The following PIWIL3 variants were observed in gnomAD, a reference collection of about 807,000 sequenced individuals.
PIWIL3 encodes piwi-like protein 3.
Under a neutral mutation model 109.7 loss-of-function variants are expected in PIWIL3, and 101 were observed. The observed-to-expected ratio is 0.92, with a 90% CI of 0.78 to 1.09. The LOEUF (loss-of-function observed/expected upper bound fraction) is 1.09, where lower values mean the gene tolerates loss of function less well. Among genes scored for constraint, PIWIL3 ranks in the 50% least tolerant of loss-of-function variants. The probability of loss-of-function intolerance (pLI) is 0.00; values close to 1 mark genes in which losing one functional copy is unlikely to be tolerated. For synonymous variants in PIWIL3, 373 were observed against 376.4 expected (o/e 0.99, Z 0.10); for missense variants, 1,031 against 1,072.6 (o/e 0.96, Z 0.54).
chr22:24,773,573 G>A (rs1468346551), intron 1 of PIWIL3, among the ~76,000 whole-genome samples: 1 of 152,104 alleles, frequency 6.6e-6, no homozygotes, highest in Non-Finnish European at 1.5e-5. Flanking sequence ...CATATTGATA[G>A]AAATTCCGCG....
intron 18 of PIWIL3, among the ~76,000 whole-genome samples, chr22:24,724,353 C>G (rs1320755584): frequency 6.6e-6 from 1 of 151,952 alleles, no homozygotes; most frequent in East Asian, 1.9e-4. Context: ...TGCAGTGCTC[C>G]TAGGCTCAAG....
At chr22:24,763,989 C>A (rs951513213) in intron 1 of PIWIL3, among the ~76,000 whole-genome samples, 2 of 152,350 alleles carry the variant, frequency 1.3e-5, no homozygotes, top group Middle Eastern at 3.4e-3. Context: ...AGGCGCAAAG[C>A]CCCTTTTCCA....
rs376600879 is a variant in PIWIL3 at position 24,748,953 on chromosome 22, G to C, written c.1403C>G (p.Pro468Arg). The change falls in exon 12 of 21, where the codon CCG becomes CGG. Residue 468 changes from proline to arginine, a missense_variant. Pro to Arg is a moderately radical substitution (Grantham distance 103). Transcript: ENST00000616349. ...GTTTGCGTTTTTCAAAACTCTTCCC[G>C]GGACGGACAAAAAATTGGTATCAAA... The part of the protein sequence containing the change: ...LKFDTNFLSV[P>R]GRVLKNANIV... 1 of 1,613,270 alleles carries C rather than the reference G, an allele frequency of 6.2e-7. No homozygotes were observed. Among genetic ancestry groups the C allele is most frequent in the Non-Finnish European group, 8.5e-7 (1 of 1,179,770 alleles).
chr22:24,719,910 C>T lies in PIWIL3; in HGVS notation c.2358-15G>A. On this transcript the variant is annotated splice_polypyrimidine_tract_variant and intron_variant, in intron 19 of 20. Coordinates refer to ENST00000616349, the MANE Select transcript of PIWIL3 (RefSeq NM_001255975.1). The stretch of plus-strand genomic sequence containing the variant: ...AAAAGTCATACCTGGAAATATAGGA[C>T]ATGTGGGTATCAGCTCATTTTAGAA... 1.3e-6 allele frequency: 2 copies of T among 1,597,256 alleles called. No individual in the cohort carries two copies. The highest frequency in any genetic ancestry group is 2.2e-5 in the South Asian group (2 of 89,460).
chr22:24,769,280 C>T (rs1000432920), intron 1 of PIWIL3, among the ~76,000 whole-genome samples: 4 of 152,080 alleles, frequency 2.6e-5, no homozygotes, highest in African/African-American at 4.8e-5. Flanking sequence ...TTGACTTCCC[C>T]GGGCCACATT....
chr22:24,732,439 A>C (rs1208842229), intron 14 of PIWIL3, among the ~76,000 whole-genome samples: 2 of 152,240 alleles, frequency 1.3e-5, no homozygotes, highest in African/African-American at 2.4e-5. Flanking sequence ...CAAAAGGCAA[A>C]TCTAGGATGA....
At chr22:24,742,968 A>G (rs1033343258) in intron 12 of PIWIL3, among the ~76,000 whole-genome samples, 2 of 152,230 alleles carry the variant, frequency 1.3e-5, no homozygotes, top group African/African-American at 4.8e-5. Flanking sequence ...ACAGAATGGG[A>G]GAAAATATTC....
chr22:24,745,720 A>G (rs76715593), intron 12 of PIWIL3, among the ~76,000 whole-genome samples: 5 of 53,984 alleles, frequency 9.3e-5, no homozygotes, highest in African/African-American at 1.1e-4. Context: ...AGACTAAGAA[A>G]AAAAAAAAAA....
At chr22:24,755,745 C>T (rs745843897) in intron 6 of PIWIL3, 39 bp downstream of exon 6, 55 of 1,611,406 alleles carry the variant, frequency 3.4e-5, no homozygotes, top group Non-Finnish European at 4.4e-5. Flanking sequence ...AGTAAAACAA[C>T]CGAATGAGTA....
chr22:24,754,671 T>C (rs569435768), intron 7 of PIWIL3, 113 bp downstream of exon 7: 19 of 818,692 alleles, frequency 2.3e-5, no homozygotes, highest in Non-Finnish European at 3.8e-5. Context: ...GTGGATACCA[T>C]TTAAAAGGCC....
At chr22:24,750,482 A>ATT (rs1241174453) in intron 9 of PIWIL3, among the ~76,000 whole-genome samples, 3,125 of 114,014 alleles carry the variant, frequency 0.027, 202 homozygotes, top group East Asian at 0.032. Context: ...ACCACATTTG[A>ATT]TTTTTTTTCT....
chr22:24,773,216 C>T (rs910037360), intron 1 of PIWIL3, among the ~76,000 whole-genome samples: 10 of 152,158 alleles, frequency 6.6e-5, no homozygotes, highest in African/African-American at 2.4e-4. Flanking sequence ...TGCTGTGATG[C>T]TCCATTCCAA....
chr22:24,731,804 A>T (rs1255191195), intron 14 of PIWIL3, among the ~76,000 whole-genome samples: 1 of 152,142 alleles, frequency 6.6e-6, no homozygotes, highest in Non-Finnish European at 1.5e-5. Context: ...GTAACTCGTT[A>T]CAGAAATAAA....
intron 12 of PIWIL3, among the ~76,000 whole-genome samples, chr22:24,744,818 T>G (rs1331238275): frequency 6.6e-6 from 1 of 152,206 alleles, no homozygotes; most frequent in African/African-American, 2.4e-5. Context: ...CATCCCACTT[T>G]CAGCACTGGA....
intron 12 of PIWIL3, among the ~76,000 whole-genome samples, chr22:24,737,035 G>T (rs1411504147): frequency 6.6e-6 from 1 of 152,204 alleles, no homozygotes; most frequent in Non-Finnish European, 1.5e-5. Context: ...AAGTCCTAAT[G>T]CTGATCTGAG....
At chr22:24,772,738 G>A (rs1222085224) in intron 1 of PIWIL3, among the ~76,000 whole-genome samples, 2 of 152,194 alleles carry the variant, frequency 1.3e-5, no homozygotes, top group Non-Finnish European at 2.9e-5. Context: ...GTGCACAGCA[G>A]CATCTAGTGG....
chr22:24,749,630 G>A, intron 10 of PIWIL3, 63 bp downstream of exon 10: 2 of 1,612,510 alleles, frequency 1.2e-6, no homozygotes, highest in Admixed American at 3.3e-5. Context: ...CGAATTCCCT[G>A]AAAAGCCTGC....
At chr22:24,753,888 AGTT>A (rs1360424484) in intron 8 of PIWIL3, 123 bp downstream of exon 8, 4 of 748,034 alleles carry the variant, frequency 5.3e-6, no homozygotes, top group African/African-American at 5.3e-5. Flanking sequence ...AGACGTGTTC[AGTT>A]GTTCTTGCAA....
chr22:24,760,780 CAAAAAAAAAAAAA>C (rs61469163), intron 2 of PIWIL3, among the ~76,000 whole-genome samples: 2 of 41,030 alleles, frequency 4.9e-5, no homozygotes, highest in Admixed American at 3.1e-4. Context: ...AACTCTGTCT[CAAAAAAAAAAAAA>C]AAAAAAAAAA....
Sources: allele counts gnomAD v4.1 joint callset (sites outside exome capture counted in the v4.1 genomes callset), GRCh38; gene constraint gnomAD v4.1.1; transcripts MANE v1.5; gene names NCBI Gene and HGNC (gene_info 2026-07-23, HGNC 2026-07-21).